The following PRDM1 variants were observed in gnomAD, a reference collection of about 807,000 sequenced individuals.
The protein encoded by PRDM1 is PR/SET domain 1.
PRDM1 carries 13 observed loss-of-function variants against 62.8 expected under a neutral mutation model. The observed-to-expected ratio is 0.21, with a 90% CI of 0.13 to 0.33. PRDM1 has a LOEUF of 0.33. Among genes scored for constraint, PRDM1 ranks in the 10% least tolerant of loss-of-function variants. The pLI is 1.00. For synonymous variants in PRDM1, 396 were observed against 417.6 expected (o/e 0.95, Z 0.63); for missense variants, 895 against 1,058.8 (o/e 0.85, Z 2.15).
intron 1 of PRDM1, among the ~76,000 whole-genome samples, chr6:106,039,331 A>G (rs1421275108): frequency 6.6e-6 from 1 of 152,246 alleles, no homozygotes; most frequent in Non-Finnish European, 1.5e-5. Flanking sequence ...ATTAAATCCA[A>G]GAGTATAAAA....
chr6:106,060,252 G>A (rs937170686), intron 1 of PRDM1, among the ~76,000 whole-genome samples: 2 of 152,142 alleles, frequency 1.3e-5, no homozygotes, highest in African/African-American at 4.8e-5. Context: ...ACAGGAGAGT[G>A]GAATAGTCCA....
At chr6:106,098,179 G>A in intron 3 of PRDM1, 1 of 985,204 alleles carries the variant, frequency 1.0e-6, no homozygotes, top group Middle Eastern at 5.2e-4. Flanking sequence ...GTGCCTTACT[G>A]CTGCTTGGAG....
intron 1 of PRDM1, among the ~76,000 whole-genome samples, chr6:106,016,235 G>T (rs747028707): frequency 1.3e-5 from 2 of 152,156 alleles, no homozygotes; most frequent in Non-Finnish European, 1.5e-5. Flanking sequence ...TTTGTTGATA[G>T]ACATTGGGCT....
In PRDM1 at chr6:106,005,249, T is replaced by C. The variant is rs535335245; in HGVS notation, c.-67+11610T>C. ...GCCGAAAGTGACTTAAGAGGATTTC[T>C]TTACACTGTGGCAGCCTGTTTGGAT... On this transcript the variant is annotated intron_variant, in intron 1 of 6. Coordinates refer to the PRDM1 transcript ENST00000652320. Among the ~76,000 whole-genome samples, 19 of 152,372 alleles carry C rather than the reference T, an allele frequency of 1.2e-4. No homozygotes were observed. In the South Asian group the frequency reaches 3.7e-3, roughly 30 times the overall value.
In PRDM1 at chr6:106,088,368, T is replaced by G; in HGVS notation, c.210T>G (p.Gly70=). 6.2e-7 allele frequency: 1 copy of G among 1,614,180 alleles called. No homozygotes were observed. The highest frequency in any genetic ancestry group is 8.5e-7 in the Non-Finnish European group (1 of 1,180,034). The part of the protein sequence containing the change: ...YIVNDHPWDS[G]ADGGTSVQAE... ...TGAACGACCACCCCTGGGATTCTGG[T>G]GCTGATGGCGGTACTTCGGTTCAGG... Residue 70 remains glycine, a synonymous_variant, in exon 2 of 7, where the codon GGT becomes GGG. Transcript: ENST00000369096.
chr6:106,066,396 A>C (rs1486344417), intron 1 of PRDM1, among the ~76,000 whole-genome samples: 4 of 152,214 alleles, frequency 2.6e-5, no homozygotes, highest in African/African-American at 9.6e-5. Context: ...AAAGACGATT[A>C]TCAGATTTTA....
upstream of PRDM1, among the ~76,000 whole-genome samples, chr6:106,083,097 C>A (rs1773719957): frequency 6.6e-6 from 1 of 151,942 alleles, no homozygotes; most frequent in Non-Finnish European, 1.5e-5. Flanking sequence ...GGCTTTGAGA[C>A]ATGTGGGAGG....
chr6:106,098,461 G>T, intron 3 of PRDM1: 1 of 1,180,256 alleles, frequency 8.5e-7, no homozygotes, highest in Non-Finnish European at 1.1e-6. Flanking sequence ...TGCCTTTAAG[G>T]AACAACATAC....
At chr6:106,010,819 A>G (rs1293255784) in intron 1 of PRDM1, among the ~76,000 whole-genome samples, 1 of 152,176 alleles carries the variant, frequency 6.6e-6, no homozygotes, top group Non-Finnish European at 1.5e-5. Context: ...GCATGGGGCG[A>G]TGACCTCGAG....
At chr6:106,088,511 C>G in intron 2 of PRDM1, 62 bp downstream of exon 2, 2 of 1,588,270 alleles carry the variant, frequency 1.3e-6, no homozygotes, top group Non-Finnish European at 1.7e-6. Flanking sequence ...CCTACTTGCC[C>G]TTGAGGCCTT....
chr6:106,061,563 A>G (rs1484914434), intron 1 of PRDM1, among the ~76,000 whole-genome samples: 1 of 152,212 alleles, frequency 6.6e-6, no homozygotes, highest in Non-Finnish European at 1.5e-5. Flanking sequence ...CCAGTATGTG[A>G]TTAGATTCTG....
rs369746133 is a variant in PRDM1, at chr6:106,105,718, G to A, written c.1558G>A (p.Gly520Arg). Residue 520 changes from glycine (G) to arginine (R), a missense_variant, in exon 5 of 7, where the codon GGA (glycine) becomes AGA (arginine). Around this residue, in one of 4 missense-constraint regions of PRDM1, gnomAD observed 444 missense variants for 422.7 expected, o/e 1.05. Coordinates refer to ENST00000369096, the MANE Select transcript of PRDM1 (RefSeq NM_001198.4). ...CSPTSGSPTA[G>R]TAATAEHVVQ... ...CCCCACAAGCGGGTCTCCCACGGCG[G>A]GAACAGCCGCCACGGCAGAACATGT... The A allele has an allele frequency of 3.7e-6, 6 of 1,613,554 alleles. No individual in the cohort carries two copies. Among genetic ancestry groups the A allele is most frequent in the African/African-American group, 2.7e-5 (2 of 74,906 alleles).
intron 1 of PRDM1, among the ~76,000 whole-genome samples, chr6:106,014,312 T>C (rs1158926566): frequency 1.3e-5 from 2 of 151,820 alleles, no homozygotes; most frequent in Non-Finnish European, 2.9e-5. Flanking sequence ...CGCCCGCCTC[T>C]GCCTCCCAAA....
At chr6:106,046,814 G>A (rs1481936881), upstream of PRDM1, 1 of 152,254 alleles carries the variant, frequency 6.6e-6, no homozygotes, top group Non-Finnish European at 1.5e-5. Context: ...TCACCAGTGC[G>A]AGAGTCTTAG....
upstream of PRDM1, among the ~76,000 whole-genome samples, chr6:106,085,775 T>C (rs1773785506): frequency 6.7e-6 from 1 of 148,288 alleles, no homozygotes; most frequent in Admixed American, 7.0e-5. Flanking sequence ...TTTCCCTATT[T>C]ACTAAATAGT....
chr6:106,096,133 C>A, intron 3 of PRDM1: 1 of 163,038 alleles, frequency 6.1e-6, no homozygotes, highest in Non-Finnish European at 1.3e-5. Context: ...GAAGAGTTAT[C>A]ACAAATGAAT....
At chr6:106,058,050 C>T (rs1773291285) in intron 1 of PRDM1, among the ~76,000 whole-genome samples, 1 of 152,136 alleles carries the variant, frequency 6.6e-6, no homozygotes. Context: ...AACTCTTCAC[C>T]TCCTTGGCCT....
chr6:106,042,238 G>C (rs1199752418), intron 1 of PRDM1, among the ~76,000 whole-genome samples: 3 of 151,390 alleles, frequency 2.0e-5, no homozygotes, highest in Non-Finnish European at 4.4e-5. Context: ...ACTAAGTGTG[G>C]GGCCGGGCAT....
intron 1 of PRDM1, among the ~76,000 whole-genome samples, chr6:106,041,103 C>T (rs531359209): frequency 6.6e-6 from 1 of 152,312 alleles, no homozygotes; most frequent in East Asian, 1.9e-4. Context: ...CATAGCAATG[C>T]TTGGAGCTCC....
Sources: allele counts gnomAD v4.1 joint callset (sites outside exome capture counted in the v4.1 genomes callset), GRCh38; gene constraint gnomAD v4.1.1; regional missense constraint gnomAD v4.1.1; transcripts MANE v1.5; gene names NCBI Gene and HGNC (gene_info 2026-07-23, HGNC 2026-07-21).